ZNF497: variants seen among roughly 807,000 people sequenced by gnomAD.
ZNF497 encodes zinc finger-like protein.
For missense variants in ZNF497, 930 were observed against 714.0 expected (o/e 1.30, Z -3.45); for synonymous variants, 422 against 313.7 (o/e 1.35, Z -3.65).
chr19:58,357,470 G>T lies in ZNF497; in HGVS notation c.166C>A (p.Arg56=), dbSNP rs372028966. ...EVPREAGDGQ[R]QQATLGAADE... is the part of the protein sequence containing the mutation. ...GCCGCCCCCAGTGTGGCTTGCTGCC[G>T]CTGGCCGTCCCCTGCCTCCCTCGGA... The change falls in exon 3 of 3, where the codon CGG becomes AGG. Residue 56 remains arginine, a synonymous_variant. Coordinates refer to ENST00000311044, the MANE Select transcript of ZNF497 (RefSeq NM_198458.3). 1.9e-6 allele frequency: 3 copies of T among 1,593,442 alleles called. No individual in the cohort carries two copies. Among genetic ancestry groups the T allele is most frequent in the Non-Finnish European group, 2.6e-6 (3 of 1,170,390 alleles).
At position 58,358,468 on chromosome 19, in the gene ZNF497, AGT is replaced by A. The variant is rs3048302; in HGVS notation, c.-15+19_-15+20del. The A allele has an allele frequency of 0.43, 511,417 of 1,177,602 alleles. 113,057 individuals carry two copies. The highest frequency in any genetic ancestry group is 0.54 in the Middle Eastern group (1,382 of 2,582). 72.9% of individuals were successfully genotyped at this position (1,177,602 alleles called of 1,614,324 possible). ...CCGCTGCCAAGGCAGGGCAGGGACA[AGT>A]GTGTAGATGGTGCCATACCTGGAGG... On this transcript the variant is annotated intron_variant, in intron 2 of 2. Coordinates refer to ENST00000311044, the MANE Select transcript of ZNF497 (RefSeq NM_198458.3).
chr19:58,359,738 C>T, intron 1 of ZNF497: 1 of 240,532 alleles, frequency 4.2e-6, no homozygotes, highest in South Asian at 4.4e-5. Context: ...CTTTGGGAGG[C>T]CGAGGTGGGT....
chr19:58,358,812 A>C (rs1285194582), intron 1 of ZNF497: 3 of 457,574 alleles, frequency 6.6e-6, no homozygotes, highest in Non-Finnish European at 1.3e-5. Flanking sequence ...AGGCCCTCTC[A>C]GCCACCAACC....
At chr19:58,358,709 A>G in intron 1 of ZNF497, 124 bp from the exon 2 acceptor site, 2 of 457,698 alleles carry the variant, frequency 4.4e-6, no homozygotes, top group Non-Finnish European at 8.2e-6. Context: ...CACAATGCGG[A>G]GCACACAGGT....
rs2052013611 is a variant in ZNF497, at chr19:58,356,102, C to T, written c.*37G>A. ...ACTCACGCCCGAGACCCCGCAATGC[C>T]GTGTGTCCGCGACCTCCCGCTCAGG... is the stretch of plus-strand genomic sequence containing the variant. On this transcript the variant is annotated 3_prime_UTR_variant, in exon 3 of 3. Coordinates refer to ENST00000311044, the MANE Select transcript of ZNF497 (RefSeq NM_198458.3). 3 of 1,499,082 alleles carry T rather than the reference C, an allele frequency of 2.0e-6. No homozygotes were observed. The highest frequency in any genetic ancestry group is 2.7e-6 in the Non-Finnish European group (3 of 1,129,868). The allele number at this position is 1,499,082 out of a possible 1,614,324, so 92.9% of individuals were successfully genotyped here.
intron 1 of ZNF497, among the ~76,000 whole-genome samples, chr19:58,361,984 G>T (rs1370287206): frequency 6.6e-6 from 1 of 152,086 alleles, no homozygotes; most frequent in African/African-American, 2.4e-5. Flanking sequence ...TGTGAGCCCC[G>T]TAAGGTCCTT....
At chr19:58,360,767 C>T (rs111990887) in intron 1 of ZNF497, among the ~76,000 whole-genome samples, 31 of 34,508 alleles carry the variant, frequency 9.0e-4, no homozygotes, top group African/African-American at 2.7e-3. Context: ...GTCCCGAACT[C>T]TTTTTTTTTT....
At chr19:58,361,164 C>T (rs1309432428) in intron 1 of ZNF497, among the ~76,000 whole-genome samples, 9 of 152,152 alleles carry the variant, frequency 5.9e-5, no homozygotes, top group Admixed American at 5.9e-4. Flanking sequence ...GCGCGAGACA[C>T]CTCGCCCAGC....
intron 1 of ZNF497, chr19:58,362,472 G>A (rs977155527): frequency 2.6e-5 from 4 of 152,226 alleles, no homozygotes; most frequent in Admixed American, 2.6e-4. Context: ...ACAGCAAACG[G>A]GAGCCATTTC....
At chr19:58,359,526 G>A (rs751916471) in intron 1 of ZNF497, 59 of 451,826 alleles carry the variant, frequency 1.3e-4, no homozygotes, top group Admixed American at 8.3e-4. Context: ...CCTTCCCCCC[G>A]CCTCCCCGCT....
At chr19:58,359,739 C>A in intron 1 of ZNF497, 1 of 235,552 alleles carries the variant, frequency 4.2e-6, no homozygotes, top group Non-Finnish European at 8.7e-6. Context: ...TTTGGGAGGC[C>A]GAGGTGGGTG....
At chr19:58,358,213 A>C (rs2052050481) in intron 2 of ZNF497, 2 of 1,289,856 alleles carry the variant, frequency 1.6e-6, no homozygotes, top group Non-Finnish European at 1.0e-6. Flanking sequence ...TTACCCAGGC[A>C]ATGTCCACAC....
chr19:58,355,952 G>A lies in ZNF497; in HGVS notation c.*187C>T, dbSNP rs2052011768. On this transcript the variant is annotated 3_prime_UTR_variant, in exon 3 of 3. Transcript: ENST00000311044. ...ACATGTCCCCAGACAGGCCTGGGTG[G>A]CCGGTGGACTATCGTCAAAGGGACT... 3.1e-6 allele frequency: 2 copies of A among 639,646 alleles called. No homozygotes were observed. The highest frequency in any genetic ancestry group is 3.4e-5 in the Admixed American group (1 of 29,542). The allele number at this position is 639,646 out of a possible 1,614,324, so 39.6% of individuals were successfully genotyped here.
At chr19:58,358,193 T>C (rs2052050281) in intron 2 of ZNF497, 1 of 1,289,976 alleles carries the variant, frequency 7.8e-7, no homozygotes, top group Admixed American at 2.3e-5. Flanking sequence ...CTGGAGGATC[T>C]CAGTGGCTGT....
In ZNF497 at chr19:58,356,095, G is replaced by C; in HGVS notation, c.*44C>G. The C allele has an allele frequency of 6.7e-7, 1 of 1,491,042 alleles. No individual in the cohort carries two copies. The highest frequency in any genetic ancestry group is 8.9e-7 in the Non-Finnish European group (1 of 1,126,384). The allele number at this position is 1,491,042 out of a possible 1,614,324, so 92.4% of individuals were successfully genotyped here. On this transcript the variant is annotated 3_prime_UTR_variant, in exon 3 of 3. Coordinates refer to ENST00000311044, the MANE Select transcript of ZNF497 (RefSeq NM_198458.3). ...ACAGCGCACTCACGCCCGAGACCCC[G>C]CAATGCCGTGTGTCCGCGACCTCCC...
chr19:58,359,828 C>T (rs1189137047), intron 1 of ZNF497, among the ~76,000 whole-genome samples: 2 of 152,026 alleles, frequency 1.3e-5, no homozygotes, highest in African/African-American at 4.8e-5. Flanking sequence ...CAAAAATTAG[C>T]CAGGCGTGGT....
Position 58,356,902 on chromosome 19 carries a change from G to A in ZNF497, c.734C>T (p.Pro245Leu), listed in dbSNP as rs756819130. 6.3e-7 allele frequency: 1 copy of A among 1,591,906 alleles called. No homozygotes were observed. The highest frequency in any genetic ancestry group is 2.3e-5 in the East Asian group (1 of 44,004). Residue 245 changes from proline to leucine, a missense_variant, in exon 3 of 3, where the codon CCG (proline) becomes CTG (leucine). Pro to Leu is a moderately conservative substitution (Grantham distance 98, BLOSUM62 -3). Coordinates refer to ENST00000311044, the MANE Select transcript of ZNF497 (RefSeq NM_198458.3). ...EHRRVHTGAR[P>L]HACRDCGKAF... ...CTTGCCACAGTCCCGGCAGGCGTGC[G>A]GCCGCGCGCCCGTGTGCACGCGCCG...
rs1200924248 is a variant in ZNF497, at chr19:58,357,697, CCAGA to C, written c.-14-52_-14-49del. The C allele has an allele frequency of 4.7e-6, 7 of 1,475,906 alleles. No homozygotes were observed. In the African/African-American group the frequency reaches 7.1e-5, roughly 15 times the overall value. The allele number at this position is 1,475,906 out of a possible 1,614,324, so 91.4% of individuals were successfully genotyped here. ...AGTACCTTAGAGAATACAAAGAACA[CCAGA>C]CAGAGGGCCTGAGGGGGACACGACG... On this transcript the variant is annotated intron_variant, in intron 2 of 2. Coordinates refer to ENST00000311044, the MANE Select transcript of ZNF497 (RefSeq NM_198458.3).
rs1028381013 is a variant in ZNF497 at position 58,357,618 on chromosome 19, C to T, written c.18G>A (p.Gly6=). The change falls in exon 3 of 3, where the codon GGG becomes GGA. Residue 6 remains glycine, a synonymous_variant. Coordinates refer to ENST00000311044, the MANE Select transcript of ZNF497 (RefSeq NM_198458.3). ...CCTCTGGGGCCACCTGCAGGGTCCACCCTCTTGGGGACTCCATCTCGCGCC... is the reference window on the plus strand; with the variant it reads ...CCTCTGGGGCCACCTGCAGGGTCCATCCTCTTGGGGACTCCATCTCGCGCC... MESPR[G]WTLQVAPEEG... 6.5e-7 allele frequency: 1 copy of T among 1,540,540 alleles called. No individual in the cohort carries two copies. The highest frequency in any genetic ancestry group is 8.7e-7 in the Non-Finnish European group (1 of 1,147,808).
Sources: gnomAD v4.1 joint callset for allele counts (sites outside exome capture counted in the v4.1 genomes callset) on GRCh38, gnomAD v4.1.1 for gene constraint, MANE v1.5 for transcripts, NCBI Gene and HGNC (gene_info 2026-07-23, HGNC 2026-07-21) for gene names.